CLVS1: variants seen among roughly 807,000 people sequenced by gnomAD.
CLVS1 encodes the protein clavesin-1.
In CLVS1, 10 loss-of-function variants were observed where a neutral mutation model predicts 33.1. The observed-to-expected ratio is 0.30, with a 90% CI of 0.19 to 0.51. The LOEUF (loss-of-function observed/expected upper bound fraction) is 0.51, where lower values mean the gene tolerates loss of function less well. Ranked by LOEUF, CLVS1 falls within the 20% of genes least tolerant of loss-of-function variation. The pLI, the probability that CLVS1 is intolerant of heterozygous loss-of-function variation, is 0.97. For missense variants in CLVS1, 343 were observed against 433.4 expected, an observed-to-expected ratio of 0.79 and a Z score of 1.85; for synonymous variants, 163 against 166.1, an observed-to-expected ratio of 0.98 and a Z score of 0.14.
At chr8:61,404,189 C>T (rs566112501) in intron 3 of CLVS1, among the ~76,000 whole-genome samples, 1 of 152,302 alleles carries the variant, frequency 6.6e-6, no homozygotes, top group South Asian at 2.1e-4. Context: ...GCCAATTGGT[C>T]AGCTTGGAGC....
rs183689188 is a variant in CLVS1, at chr8:61,199,789, C to T, written c.-152+67929C>T. The stretch of plus-strand genomic sequence containing the variant: ...GCTCATTCCCAAAGGGGCTTTGTCT[C>T]ATCCCACTTTCCACCTTTTTATGTA... On this transcript the variant is annotated intron_variant, in intron 2 of 2. Coordinates refer to the CLVS1 transcript ENST00000522621. Among the ~76,000 whole-genome samples, 179 of 152,360 alleles carry T rather than the reference C, an allele frequency of 1.2e-3. 2 individuals carry two copies. Among genetic ancestry groups the T allele is most frequent in the African/African-American group, 4.2e-3 (173 of 41,594 alleles).
intron 2 of CLVS1, among the ~76,000 whole-genome samples, chr8:61,365,152 A>G (rs1435397947): frequency 1.3e-5 from 2 of 152,232 alleles, no homozygotes; most frequent in Non-Finnish European, 2.9e-5. Flanking sequence ...AAGTGATTTT[A>G]TGGTTATAAG....
chr8:61,363,503 G>A (rs1478964929), intron 2 of CLVS1, among the ~76,000 whole-genome samples: 1 of 152,142 alleles, frequency 6.6e-6, no homozygotes, highest in Non-Finnish European at 1.5e-5. Context: ...TTAAGGAAAA[G>A]AAACCAATGT....
Position 61,356,555 on chromosome 8 carries a change from G to A in CLVS1, c.456-20050G>A, listed in dbSNP as rs914055261. 7.2e-3 allele frequency among the ~76,000 whole-genome samples: 1,096 copies of A among 151,408 alleles called. 14 individuals are homozygous for A. The highest frequency in any genetic ancestry group is 0.024 in the African/African-American group (989 of 41,118). The stretch of plus-strand genomic sequence containing the variant: ...GGGTTTTTATGGTTTTAGGTCTAAC[G>A]TTTAAGTCTTTAATCCATCTTGAAT... On this transcript the variant is annotated intron_variant, in intron 2 of 5. Coordinates refer to ENST00000325897, the MANE Select transcript of CLVS1 (RefSeq NM_173519.3).
At chr8:61,464,486 C>T (rs544361434) in intron 5 of CLVS1, 5 of 152,216 alleles carry the variant, frequency 3.3e-5, no homozygotes, top group East Asian at 1.9e-4. Flanking sequence ...AAAGAGAAAA[C>T]GTGCCCCAAA....
the CLVS1 span, among the ~76,000 whole-genome samples, chr8:61,009,166 T>TA: frequency 1.3e-5 from 2 of 152,136 alleles, no homozygotes; most frequent in Admixed American, 6.5e-5. Context: ...TTGACACTCT[T>TA]AAAAATTTTT....
At chr8:61,014,721 G>A in the CLVS1 span, among the ~76,000 whole-genome samples, 2 of 152,222 alleles carry the variant, frequency 1.3e-5, no homozygotes, top group Non-Finnish European at 2.9e-5. Flanking sequence ...GACAAAGGTA[G>A]GATGATGCAC....
At chr8:61,319,154 T>C (rs907311825) in intron 2 of CLVS1, among the ~76,000 whole-genome samples, 5 of 152,150 alleles carry the variant, frequency 3.3e-5, no homozygotes, top group Non-Finnish European at 5.9e-5. Context: ...AATTTTGTCA[T>C]GTTGTTTGTG....
the CLVS1 span, among the ~76,000 whole-genome samples, chr8:60,995,936 C>A: frequency 4.7e-4 from 72 of 152,266 alleles, no homozygotes; most frequent in African/African-American, 1.7e-3. Context: ...ACCGCATATT[C>A]TCACTCATAG....
At chr8:61,398,099 A>G (rs1367025020) in intron 3 of CLVS1, among the ~76,000 whole-genome samples, 1 of 152,004 alleles carries the variant, frequency 6.6e-6, no homozygotes, top group Non-Finnish European at 1.5e-5. Flanking sequence ...GAGTACTGCC[A>G]TCTTAATATT....
chr8:61,261,973 TGC>T (rs1468310370), intron 2 of CLVS1, among the ~76,000 whole-genome samples: 2 of 125,998 alleles, frequency 1.6e-5, no homozygotes, highest in Non-Finnish European at 3.3e-5. Flanking sequence ...TTCTCATTGC[TGC>T]GTGTGTGTGT....
At chr8:61,215,682 ATGTGTGTGTGTGTGTG>A (rs72193127) in intron 2 of CLVS1, among the ~76,000 whole-genome samples, 35,121 of 143,700 alleles carry the variant, frequency 0.24, 5,331 homozygotes, top group East Asian at 0.68. Flanking sequence ...GAAATTGAAA[ATGTGTGTGTGTGTGTG>A]TGTGTGTGTG....
intron 2 of CLVS1, among the ~76,000 whole-genome samples, chr8:61,353,954 G>A (rs1812581645): frequency 6.6e-6 from 1 of 151,354 alleles, no homozygotes; most frequent in Non-Finnish European, 1.5e-5. Flanking sequence ...GGAATATTAT[G>A]AACAACTTTA....
intron 1 of CLVS1, among the ~76,000 whole-genome samples, chr8:61,088,206 TG>T (rs1196936346): frequency 1.3e-5 from 2 of 152,178 alleles, no homozygotes; most frequent in Non-Finnish European, 2.9e-5. Context: ...GCAATGTAAT[TG>T]GCCGGGCACG....
At chr8:61,400,912 T>G (rs918233736) in intron 3 of CLVS1, among the ~76,000 whole-genome samples, 17 of 152,198 alleles carry the variant, frequency 1.1e-4, no homozygotes, top group African/African-American at 3.9e-4. Context: ...AGCTTTTTGA[T>G]GGGCTGTGGG....
chr8:61,317,402 G>A (rs1585794162), intron 2 of CLVS1, among the ~76,000 whole-genome samples: 1 of 152,130 alleles, frequency 6.6e-6, no homozygotes, highest in South Asian at 2.1e-4. Flanking sequence ...TGGGCATTAG[G>A]CTATTTCCAA....
At chr8:61,282,203 C>T (rs1404017310) in intron 2 of CLVS1, among the ~76,000 whole-genome samples, 1 of 152,134 alleles carries the variant, frequency 6.6e-6, no homozygotes, top group Non-Finnish European at 1.5e-5. Flanking sequence ...TTGAATGCAA[C>T]ATACAAAAAG....
At chr8:61,425,264 G>A (rs1339012892) in intron 3 of CLVS1, among the ~76,000 whole-genome samples, 2 of 152,084 alleles carry the variant, frequency 1.3e-5, no homozygotes, top group Non-Finnish European at 2.9e-5. Context: ...CATTTCAAAA[G>A]AATAATGTTT....
chr8:61,491,220 C>A (rs948961320), intron 5 of CLVS1, among the ~76,000 whole-genome samples: 6 of 152,064 alleles, frequency 3.9e-5, no homozygotes, highest in African/African-American at 1.4e-4. Flanking sequence ...GATTGTAGTC[C>A]AGTCTAGTAG....
Sources: allele counts gnomAD v4.1 joint callset (sites outside exome capture counted in the v4.1 genomes callset), GRCh38; gene constraint gnomAD v4.1.1; transcripts MANE v1.5; gene names NCBI Gene and HGNC (gene_info 2026-07-23, HGNC 2026-07-21).